KIF25: variants seen among roughly 807,000 people sequenced by gnomAD.
KIF25 encodes the protein kinesin family member 25.
KIF25 carries 19 observed loss-of-function variants against 32.9 expected under a neutral mutation model. That is an observed-to-expected ratio of 0.58 (90% CI 0.40 to 0.85). The LOEUF (loss-of-function observed/expected upper bound fraction) is 0.85. Among genes scored for constraint, KIF25 ranks in the 40% least tolerant of loss-of-function variants. KIF25 has a pLI of 0.00. For missense variants in KIF25, 485 were observed against 507.0 expected (o/e 0.96, Z 0.42); for synonymous variants, 225 against 213.7 (o/e 1.05, Z -0.46).
At chr6:168,008,690 C>T (rs1230211477) in intron 4 of KIF25, among the ~76,000 whole-genome samples, 2 of 152,048 alleles carry the variant, frequency 1.3e-5, no homozygotes, top group Non-Finnish European at 1.5e-5. Context: ...AATTTTAATT[C>T]TTCCAATTCT....
At chr6:168,003,208 C>G (rs1309803198) in intron 3 of KIF25, among the ~76,000 whole-genome samples, 13 of 151,708 alleles carry the variant, frequency 8.6e-5, no homozygotes, top group Admixed American at 8.5e-4. Context: ...CCATGCAATG[C>G]AGACAGGGAA....
chr6:168,019,933 GACCAT>G (rs1798766613), intron 5 of KIF25, among the ~76,000 whole-genome samples: 2 of 152,254 alleles, frequency 1.3e-5, no homozygotes, highest in Non-Finnish European at 2.9e-5. Flanking sequence ...AAGAGATCGA[GACCAT>G]CCTGGCCAAA....
At chr6:168,001,618 G>A (rs1798504366) in intron 2 of KIF25, among the ~76,000 whole-genome samples, 1 of 142,834 alleles carries the variant, frequency 7.0e-6, no homozygotes, top group African/African-American at 2.7e-5. Flanking sequence ...TGAGGCCGTG[G>A]CCTCGGGCAG....
In KIF25 at chr6:168,041,898, A is replaced by C. The variant is rs1459703055; in HGVS notation, c.647-71A>C. ...GCAGTTCAGAAGCTTCTCGGCTCTG[A>C]CTGAGGCAAAGCACAGCCTCATGGC... is the stretch of plus-strand genomic sequence containing the variant. On this transcript the variant is annotated intron_variant, in intron 10 of 12. Transcript: ENST00000643607. 6.8e-6 allele frequency: 10 copies of C among 1,462,446 alleles called. No homozygotes were observed. The East Asian group carries it at 2.5e-4, about 36-fold the overall frequency. The allele number at this position is 1,462,446 out of a possible 1,614,324, so 90.6% of individuals were successfully genotyped here.
At chr6:168,026,082 A>T (rs1798856907) in intron 5 of KIF25, among the ~76,000 whole-genome samples, 1 of 152,220 alleles carries the variant, frequency 6.6e-6, no homozygotes, top group Non-Finnish European at 1.5e-5. Flanking sequence ...AGTCTAGTTA[A>T]ACGATGGCTT....
At chr6:168,043,165 C>T (rs1007874355) in intron 12 of KIF25, among the ~76,000 whole-genome samples, 1 of 152,156 alleles carries the variant, frequency 6.6e-6, no homozygotes, top group African/African-American at 2.4e-5. Context: ...GCACAGGCGG[C>T]CCCTGTGTGG....
intron 2 of KIF25, among the ~76,000 whole-genome samples, chr6:168,001,555 CGGG>C (rs1798501959): frequency 1.0e-5 from 1 of 98,846 alleles, no homozygotes; most frequent in African/African-American, 4.6e-5. Context: ...GGCGTGGCCT[CGGG>C]CAGGTGAGAA....
intron 2 of KIF25, among the ~76,000 whole-genome samples, chr6:168,001,571 C>T (rs539283317): frequency 1.1e-4 from 11 of 99,772 alleles, no homozygotes; most frequent in Non-Finnish European, 2.1e-4. Context: ...GGTGAGAAGA[C>T]ACCTGAGGCG....
chr6:168,037,204 A>G (rs1452505408), intron 8 of KIF25, among the ~76,000 whole-genome samples: 1 of 152,224 alleles, frequency 6.6e-6, no homozygotes, highest in Non-Finnish European at 1.5e-5. Flanking sequence ...CTTTGCCAAT[A>G]ATGATTTTTA....
At chr6:168,031,271 CAA>C (rs1209010081) in intron 7 of KIF25, among the ~76,000 whole-genome samples, 1 of 152,168 alleles carries the variant, frequency 6.6e-6, no homozygotes, top group Non-Finnish European at 1.5e-5. Context: ...CTACTGATGT[CAA>C]AGGCAGTGGG....
chr6:168,041,425 G>A (rs1799116893), intron 10 of KIF25, among the ~76,000 whole-genome samples: 1 of 152,214 alleles, frequency 6.6e-6, no homozygotes, highest in Non-Finnish European at 1.5e-5. Context: ...GGGCGGTGTG[G>A]CTGCCAGTGG....
chr6:168,012,569 C>T (rs227243), intron 4 of KIF25, among the ~76,000 whole-genome samples: 37,180 of 152,080 alleles, frequency 0.24, 5,047 homozygotes, highest in Non-Finnish European at 0.34. Context: ...GGGTCTGGCT[C>T]ATTGGAGTTG....
chr6:168,006,153 A>G (rs935480265), intron 4 of KIF25, among the ~76,000 whole-genome samples: 8 of 151,856 alleles, frequency 5.3e-5, no homozygotes, highest in Admixed American at 3.3e-4. Context: ...GCCACTCTCC[A>G]TGTGACATTA....
At position 168,044,975 on chromosome 6, in the gene KIF25, G is replaced by A. The variant is rs1799199286; in HGVS notation, c.1134G>A (p.Glu378=). 1.9e-6 allele frequency: 3 copies of A among 1,600,024 alleles called. No individual in the cohort carries two copies. Among genetic ancestry groups the A allele is most frequent in the African/African-American group, 2.7e-5 (2 of 74,312 alleles). Reference sequence around the variant, plus strand: ...AGAAGCCGCCCAGCTCCCAAACGGAGGGGAAGAGGAGGCCGGATTGAATGC... The same window carrying A: ...AGAAGCCGCCCAGCTCCCAAACGGAAGGGAAGAGGAGGCCGGATTGAATGC... ...ARKKPPSSQT[E]GKRRPD The change falls in exon 13 of 13, where the codon GAG becomes GAA. Residue 378 remains glutamate (E), a synonymous_variant. Coordinates refer to ENST00000643607, the MANE Select transcript of KIF25 (RefSeq NM_030615.4).
intron 4 of KIF25, among the ~76,000 whole-genome samples, chr6:168,011,775 T>A (rs1364127047): frequency 1.3e-5 from 2 of 152,212 alleles, no homozygotes; most frequent in African/African-American, 4.8e-5. Context: ...TTTCCTCAGC[T>A]TTTCTCTTCT....
chr6:168,020,314 GA>G (rs1418977936), intron 5 of KIF25, among the ~76,000 whole-genome samples: 1 of 152,170 alleles, frequency 6.6e-6, no homozygotes, highest in Non-Finnish European at 1.5e-5. Context: ...AGTCCATCCA[GA>G]GTTCTGTGCC....
At chr6:168,033,495 G>A (rs1407283415) in intron 7 of KIF25, among the ~76,000 whole-genome samples, 7 of 126,122 alleles carry the variant, frequency 5.6e-5, no homozygotes, top group South Asian at 2.9e-4. Flanking sequence ...GCAAGAATCC[G>A]TCTCAAAAAA....
At chr6:168,002,334 G>A (rs1016251974) in intron 2 of KIF25, among the ~76,000 whole-genome samples, 2 of 151,644 alleles carry the variant, frequency 1.3e-5, no homozygotes, top group African/African-American at 4.8e-5. Flanking sequence ...GCCTCGGGCA[G>A]GTGAGAAGAC....
chr6:168,005,577 GGTA>G (rs1798569027), intron 4 of KIF25, among the ~76,000 whole-genome samples: 1 of 152,164 alleles, frequency 6.6e-6, no homozygotes, highest in Non-Finnish European at 1.5e-5. Context: ...GAGTTTATTA[GGTA>G]TTAACTCACA....
Sources: gnomAD v4.1 joint callset for allele counts (sites outside exome capture counted in the v4.1 genomes callset) on GRCh38, gnomAD v4.1.1 for gene constraint, MANE v1.5 for transcripts, NCBI Gene and HGNC (gene_info 2026-07-23, HGNC 2026-07-21) for gene names.